RGL1: variants seen among roughly 807,000 people sequenced by gnomAD.
RGL1 encodes the protein ral guanine nucleotide dissociation stimulator like 1.
In RGL1, 24 loss-of-function variants were observed where a neutral mutation model predicts 95.2. The observed-to-expected ratio is 0.25, with a 90% CI of 0.18 to 0.35. The LOEUF (loss-of-function observed/expected upper bound fraction) is 0.35. Ranked by LOEUF, RGL1 falls within the 10% of genes least tolerant of loss-of-function variation. RGL1 has a pLI of 1.00. For missense variants in RGL1, 715 were observed against 936.3 expected (o/e 0.76, Z 3.08); for synonymous variants, 329 against 344.9 (o/e 0.95, Z 0.51).
intron 1 of RGL1, among the ~76,000 whole-genome samples, chr1:183,688,635 T>C (rs1029984729): frequency 1.3e-5 from 2 of 152,202 alleles, no homozygotes; most frequent in African/African-American, 4.8e-5. Context: ...CATTAGTATT[T>C]GTTAAAATTA....
intron 13 of RGL1, among the ~76,000 whole-genome samples, chr1:183,905,447 A>G (rs1387580309): frequency 2.0e-5 from 3 of 152,188 alleles, no homozygotes; most frequent in Non-Finnish European, 4.4e-5. Flanking sequence ...TACAAAACCT[A>G]TGGGAAGAAT....
In RGL1 at chr1:183,772,878, G is replaced by A. The variant is rs182229124; in HGVS notation, c.132+30589G>A. On this transcript the variant is annotated intron_variant, in intron 2 of 18. Coordinates refer to the RGL1 transcript ENST00000304685. ...CAAAAAATTAGCCGGGCGCGGTGGC[G>A]GGCGCCTGTAGTCCCAGCTACTGGG... is the stretch of plus-strand genomic sequence containing the variant. Among the ~76,000 whole-genome samples the A allele has an allele frequency of 3.2e-3, 489 of 150,984 alleles. 3 individuals are homozygous for A. Among genetic ancestry groups the A allele is most frequent in the African/African-American group, 0.012 (474 of 41,114 alleles).
intron 3 of RGL1, among the ~76,000 whole-genome samples, chr1:183,849,482 A>AATTTTTTTTTTATT (rs150367802): frequency 1.0e-5 from 1 of 99,360 alleles, no homozygotes; most frequent in Non-Finnish European, 1.9e-5. Context: ...TCCAGTTTTT[A>AATTTTTTTTTTATT]GTTTTTTTTT....
chr1:183,805,830 C>T (rs1661257472), intron 1 of RGL1, among the ~76,000 whole-genome samples: 1 of 152,168 alleles, frequency 6.6e-6, no homozygotes, highest in African/African-American at 2.4e-5. Context: ...AACCACTTCA[C>T]TTCCAAAGGA....
intron 1 of RGL1, among the ~76,000 whole-genome samples, chr1:183,683,512 T>C (rs1653362429): frequency 6.6e-6 from 1 of 152,232 alleles, no homozygotes; most frequent in Non-Finnish European, 1.5e-5. Context: ...TTCTGGCTTG[T>C]AGAGTTTCAC....
chr1:183,838,807 A>T (rs951385738), intron 2 of RGL1, among the ~76,000 whole-genome samples: 2 of 152,064 alleles, frequency 1.3e-5, no homozygotes, highest in African/African-American at 4.8e-5. Flanking sequence ...CAAAATAAAA[A>T]CCCTAATTTG....
At chr1:183,854,218 T>C (rs1189821596) in intron 3 of RGL1, among the ~76,000 whole-genome samples, 1 of 152,202 alleles carries the variant, frequency 6.6e-6, no homozygotes, top group Non-Finnish European at 1.5e-5. Flanking sequence ...AAACTGAATG[T>C]TGGCCAGGAT....
chr1:183,796,322 C>A (rs995882328), intron 2 of RGL1, among the ~76,000 whole-genome samples: 1 of 151,942 alleles, frequency 6.6e-6, no homozygotes, highest in Non-Finnish European at 1.5e-5. Flanking sequence ...TGCCACCACA[C>A]CCAGCTAATT....
At chr1:183,863,713 G>A (rs1665657343) in intron 3 of RGL1, among the ~76,000 whole-genome samples, 1 of 152,174 alleles carries the variant, frequency 6.6e-6, no homozygotes, top group South Asian at 2.1e-4. Context: ...CTGATGGGTT[G>A]GGTGGAGAAG....
chr1:183,649,952 C>T (rs1572221986), intron 1 of RGL1, among the ~76,000 whole-genome samples: 1 of 152,212 alleles, frequency 6.6e-6, no homozygotes, highest in Non-Finnish European at 1.5e-5. Flanking sequence ...GCTGAGACCA[C>T]AGGTATGTAC....
At chr1:183,692,508 G>T (rs1654006494) in intron 1 of RGL1, among the ~76,000 whole-genome samples, 1 of 152,212 alleles carries the variant, frequency 6.6e-6, no homozygotes, top group Non-Finnish European at 1.5e-5. Context: ...ACAGGATTGA[G>T]TTTTCTAGGT....
At chr1:183,737,371 C>T (rs143950217) in intron 1 of RGL1, among the ~76,000 whole-genome samples, 3,462 of 152,234 alleles carry the variant, frequency 0.023, 62 homozygotes, top group Non-Finnish European at 0.034. Flanking sequence ...GTTATGACCT[C>T]CTGTCAATGA....
chr1:183,887,847 C>T (rs1457578421), intron 7 of RGL1, among the ~76,000 whole-genome samples: 1 of 152,158 alleles, frequency 6.6e-6, no homozygotes, highest in East Asian at 1.9e-4. Context: ...TTTTAAAAGG[C>T]CGAGTTATTT....
intron 1 of RGL1, chr1:183,648,818 A>G: frequency 6.7e-7 from 1 of 1,488,296 alleles, no homozygotes. Context: ...AAACCTAAAC[A>G]AGGAAGAGAA....
Position 183,888,597 on chromosome 1 carries a change from C to T in RGL1, c.1055+20C>T, listed in dbSNP as rs763844271. 39 of 1,488,142 alleles carry T rather than the reference C, an allele frequency of 2.6e-5. No individual in the cohort carries two copies. The highest frequency in any genetic ancestry group is 1.7e-4 in the Middle Eastern group (1 of 5,850). The allele number at this position is 1,488,142 out of a possible 1,614,324, so 92.2% of individuals were successfully genotyped here. On this transcript the variant is annotated intron_variant, in intron 8 of 17. Coordinates refer to ENST00000360851, the MANE Select transcript of RGL1 (RefSeq NM_001297671.3). ...CCCAAGGTAAGTTCCCAAGTGTTTG[C>T]TCTGCTTTTCTTTGGCCGGGATAAT...
At position 183,766,221 on chromosome 1, in the gene RGL1, A is replaced by G. The variant is rs549069742; in HGVS notation, c.132+23932A>G. Among the ~76,000 whole-genome samples, 5 of 152,298 alleles carry G rather than the reference A, an allele frequency of 3.3e-5. No individual in the cohort carries two copies. In the East Asian group the frequency reaches 9.6e-4, roughly 29 times the overall value. On this transcript the variant is annotated intron_variant, in intron 2 of 18. Coordinates refer to the RGL1 transcript ENST00000304685. ...GGAGTTCGAGACCAGCCTGGCTAAC[A>G]TGGTTACCACTAGAATCTTCAAACC...
intron 2 of RGL1, among the ~76,000 whole-genome samples, chr1:183,775,333 T>G (rs539819900): frequency 1.8e-4 from 27 of 152,364 alleles, no homozygotes; most frequent in African/African-American, 5.3e-4. Flanking sequence ...ACTTAACTTC[T>G]TATTTTTTCA....
At position 183,699,365 on chromosome 1, in the gene RGL1, T is replaced by C. The variant is rs540370939; in HGVS notation, c.-32-42761T>C. 5.9e-5 allele frequency among the ~76,000 whole-genome samples: 9 copies of C among 152,346 alleles called. No individual in the cohort carries two copies. In the East Asian group the frequency reaches 1.7e-3, roughly 29 times the overall value. On this transcript the variant is annotated intron_variant, in intron 1 of 18. Coordinates refer to the RGL1 transcript ENST00000304685. ...CTTGTTCCAAAATTGCTCCAGGTCG[T>C]AGACTTGGACTTTAACTCCATCTTT... is the stretch of plus-strand genomic sequence containing the variant.
At chr1:183,650,401 G>A (rs138050289) in intron 1 of RGL1, among the ~76,000 whole-genome samples, 1,841 of 152,170 alleles carry the variant, frequency 0.012, 45 homozygotes, top group African/African-American at 0.043. Flanking sequence ...AAATTAGCCA[G>A]GTGTGGTGGC....
Sources: gnomAD v4.1 joint callset for allele counts (sites outside exome capture counted in the v4.1 genomes callset) on GRCh38, gnomAD v4.1.1 for gene constraint, MANE v1.5 for transcripts, NCBI Gene and HGNC (gene_info 2026-07-23, HGNC 2026-07-21) for gene names.